Variants in ZYG11A observed in about 807,000 individuals in gnomAD.
ZYG11A encodes the protein zyg-11 family member A, cell cycle regulator.
Under a neutral mutation model 77.2 loss-of-function variants are expected in ZYG11A, and 62 were observed. The observed-to-expected ratio is 0.80, with a 90% CI of 0.65 to 0.99. ZYG11A has a LOEUF of 0.99. Ranked by LOEUF, ZYG11A falls within the 50% of genes least tolerant of loss-of-function variation. ZYG11A has a pLI of 0.00. For missense variants in ZYG11A, 828 were observed against 896.8 expected (o/e 0.92, Z 0.98); for synonymous variants, 315 against 324.6 (o/e 0.97, Z 0.32).
intron 10 of ZYG11A, among the ~76,000 whole-genome samples, chr1:52,880,309 C>T (rs78339936): frequency 0.036 from 5,474 of 152,086 alleles, 412 homozygotes; most frequent in Admixed American, 0.18. Flanking sequence ...CCTCAATATA[C>T]TAGTGTCTAG....
intron 10 of ZYG11A, among the ~76,000 whole-genome samples, chr1:52,878,324 G>C (rs77456695): frequency 0.037 from 5,612 of 152,238 alleles, 415 homozygotes; most frequent in Admixed American, 0.18. Context: ...GTCTAAGATG[G>C]CCTGACTCTT....
chr1:52,888,031 A>G (rs1199053998), intron 13 of ZYG11A, among the ~76,000 whole-genome samples: 1 of 152,212 alleles, frequency 6.6e-6, no homozygotes, highest in Non-Finnish European at 1.5e-5. Context: ...ATAAAAACCA[A>G]TAGTTTTATA....
At chr1:52,878,035 C>T (rs1349733975) in intron 10 of ZYG11A, 66 bp downstream of exon 10, 2 of 1,254,184 alleles carry the variant, frequency 1.6e-6, no homozygotes, top group Admixed American at 2.0e-5. Context: ...TATATAGTAC[C>T]TACTATATGC....
At chr1:52,860,962 T>C (rs1363566144) in intron 4 of ZYG11A, 91 bp downstream of exon 4, 21 of 1,273,148 alleles carry the variant, frequency 1.6e-5, no homozygotes, top group Admixed American at 4.6e-5. Context: ...ATAAATTATA[T>C]GCTTTATTCT....
chr1:52,871,966 G>T (rs780984335), intron 8 of ZYG11A, among the ~76,000 whole-genome samples: 1 of 152,100 alleles, frequency 6.6e-6, no homozygotes, highest in Non-Finnish European at 1.5e-5. Context: ...TTGCTGTTAC[G>T]GGTGGAATCT....
At chr1:52,843,558 C>T (rs1371453528) in intron 1 of ZYG11A, among the ~76,000 whole-genome samples, 2 of 146,524 alleles carry the variant, frequency 1.4e-5, no homozygotes, top group Admixed American at 6.6e-5. Flanking sequence ...CGCGCGTCCG[C>T]CCCCGTCCCC....
intron 7 of ZYG11A, 21 bp downstream of exon 7, chr1:52,867,659 A>T (rs907349364): frequency 1.9e-6 from 3 of 1,550,218 alleles, no homozygotes; most frequent in Non-Finnish European, 2.6e-6. Flanking sequence ...TCTTAAAGGC[A>T]AGATGTCTAT....
At chr1:52,862,773 TTTTG>T (rs1435095246) in intron 4 of ZYG11A, among the ~76,000 whole-genome samples, 2 of 151,996 alleles carry the variant, frequency 1.3e-5, no homozygotes, top group East Asian at 1.9e-4. Flanking sequence ...GTTCTTCTGT[TTTTG>T]TTTGTTTTTG....
At chr1:52,870,588 C>T (rs533381270) in intron 8 of ZYG11A, among the ~76,000 whole-genome samples, 3 of 152,336 alleles carry the variant, frequency 2.0e-5, no homozygotes, top group African/African-American at 7.2e-5. Context: ...GCTGAGTGAA[C>T]GAGACTCCAT....
At chr1:52,867,145 A>G (rs185625783) in intron 6 of ZYG11A, among the ~76,000 whole-genome samples, 46 of 152,330 alleles carry the variant, frequency 3.0e-4, no homozygotes, top group African/African-American at 1.1e-3. Flanking sequence ...ATTTGTGAAT[A>G]CAAGGTTTAG....
intron 13 of ZYG11A, among the ~76,000 whole-genome samples, chr1:52,887,853 A>G (rs565345221): frequency 6.6e-6 from 1 of 152,308 alleles, no homozygotes; most frequent in South Asian, 2.1e-4. Flanking sequence ...TGTCTTAAAA[A>G]AATAAAATCC....
intron 11 of ZYG11A, among the ~76,000 whole-genome samples, chr1:52,883,435 A>C (rs1461851853): frequency 6.7e-6 from 1 of 148,534 alleles, no homozygotes; most frequent in African/African-American, 2.5e-5. Flanking sequence ...ATTTAAAAAA[A>C]AGATTTTTTT....
At chr1:52,867,958 CTTTTTTTTTTT>C (rs1050261180) in intron 8 of ZYG11A, among the ~76,000 whole-genome samples, 181 bp downstream of exon 8, 24 of 98,162 alleles carry the variant, frequency 2.4e-4, no homozygotes, top group African/African-American at 1.0e-3. Context: ...CTCCACATTT[CTTTTTTTTTTT>C]TTTTTTTTTT....
At chr1:52,892,669 A>G in intron 13 of ZYG11A, 113 bp from the exon 14 acceptor site, 1 of 921,224 alleles carries the variant, frequency 1.1e-6, no homozygotes, top group Non-Finnish European at 1.6e-6. Flanking sequence ...GTTAATTCCT[A>G]GGCCAAAGAG....
intron 5 of ZYG11A, among the ~76,000 whole-genome samples, chr1:52,865,210 G>C (rs1353024351): frequency 6.6e-6 from 1 of 150,688 alleles, no homozygotes; most frequent in Non-Finnish European, 1.5e-5. Flanking sequence ...CAAAGTGCTG[G>C]GATTACAGGA....
At chr1:52,872,905 G>T (rs1342615355) in intron 8 of ZYG11A, among the ~76,000 whole-genome samples, 2 of 137,460 alleles carry the variant, frequency 1.5e-5, no homozygotes, top group African/African-American at 5.7e-5. Context: ...AAAAAGAAAA[G>T]AAAAGAAAGA....
At position 52,892,935 on chromosome 1, in the gene ZYG11A, C is replaced by T. The variant is rs1027203987; in HGVS notation, c.2258C>T (p.Thr753Ile). 5 of 1,551,728 alleles carry T rather than the reference C, an allele frequency of 3.2e-6. No homozygotes were observed. The African/African-American group carries it at 6.8e-5, about 21-fold the overall frequency. The change falls in exon 14 of 14, where the codon ACT becomes ATT. Residue 753 changes from threonine (T) to isoleucine (I), a missense_variant. Transcript: ENST00000371528. Reference sequence around the variant, plus strand: ...CATTTCATGAATTATCAGAGGCCCACTCTGTGTCAAATGCCCTTCTGAACC... The same window carrying T: ...CATTTCATGAATTATCAGAGGCCCATTCTGTGTCAAATGCCCTTCTGAACC... ...RMHFMNYQRPTLCQMPF is the reference protein window; with the variant it reads ...RMHFMNYQRPILCQMPF
At chr1:52,885,594 G>C (rs1393688891) in intron 11 of ZYG11A, among the ~76,000 whole-genome samples, 1 of 152,182 alleles carries the variant, frequency 6.6e-6, no homozygotes, top group East Asian at 1.9e-4. Context: ...TTCTGTTAAT[G>C]GGATTATGGA....
intron 13 of ZYG11A, among the ~76,000 whole-genome samples, chr1:52,888,008 G>A (rs1017381220): frequency 6.6e-6 from 1 of 152,138 alleles, no homozygotes; most frequent in African/African-American, 2.4e-5. Flanking sequence ...TTGACTAGCT[G>A]TAAAGCAAGT....
Sources: gnomAD v4.1 joint callset for allele counts (sites outside exome capture counted in the v4.1 genomes callset) on GRCh38, gnomAD v4.1.1 for gene constraint, MANE v1.5 for transcripts, NCBI Gene and HGNC (gene_info 2026-07-23, HGNC 2026-07-21) for gene names.